Variants in SMG1 observed in about 807,000 individuals in gnomAD.
SMG1 encodes SMG1 nonsense mediated mRNA decay associated PI3K related kinase, also known as serine/threonine-protein kinase SMG1.
SMG1 carries 22 observed loss-of-function variants against 419.9 expected under a neutral mutation model. The ratio of observed to expected loss-of-function variants is 0.05; its 90% confidence interval spans 0.04 to 0.07. The LOEUF is 0.07. Ranked by LOEUF, SMG1 falls within the 10% of genes least tolerant of loss-of-function variation. The probability of loss-of-function intolerance (pLI) is 1.00; values close to 1 mark genes in which losing one functional copy is unlikely to be tolerated. For synonymous variants in SMG1, 1,538 were observed against 1,553.5 expected, an observed-to-expected ratio of 0.99 and a Z score of 0.23; for missense variants, 3,185 against 4,342.0, an observed-to-expected ratio of 0.73 and a Z score of 7.49.
intron 33 of SMG1, among the ~76,000 whole-genome samples, chr16:18,850,805 G>A (rs2141383074): frequency 6.6e-6 from 1 of 152,242 alleles, no homozygotes; most frequent in Non-Finnish European, 1.5e-5. Context: ...AGGCTGGAGT[G>A]CAATGGCACA....
chr16:18,830,465 A>T lies in SMG1; in HGVS notation c.8793-96T>A. 3 of 1,363,718 alleles carry T rather than the reference A, an allele frequency of 2.2e-6. No homozygotes were observed. In the South Asian group the frequency reaches 3.8e-5, roughly 17 times the overall value. 84.5% of individuals were successfully genotyped at this position (1,363,718 alleles called of 1,614,324 possible). A position where few individuals can be genotyped will look rare whatever the true frequency, so the allele number is the denominator to read the frequency against. On this transcript the variant is annotated intron_variant, in intron 51 of 62. Transcript: ENST00000446231. ...GTACATCTCACAGCTGCATGCTGTG[A>T]GAGTCTAGAAAGCCTTCTGGCATTA...
At position 18,926,231 on chromosome 16, in the gene SMG1, C is replaced by G; in HGVS notation, c.-190G>C. The G allele has an allele frequency of 1.8e-6, 1 of 562,104 alleles. No homozygotes were observed. The highest frequency in any genetic ancestry group is 3.1e-6 in the Non-Finnish European group (1 of 325,264). 34.8% of individuals were successfully genotyped at this position (562,104 alleles called of 1,614,324 possible). ...GGGAAGAGGACGGCCGTTCCGGGTT[C>G]CGCCTGAGCCCGCAGCGCAGGACGA... On this transcript the variant is annotated 5_prime_UTR_variant, in exon 1 of 63. Coordinates refer to ENST00000446231, the MANE Select transcript of SMG1 (RefSeq NM_015092.5).
At chr16:18,917,738 C>T (rs11074343) in intron 1 of SMG1, among the ~76,000 whole-genome samples, 27,756 of 150,862 alleles carry the variant, frequency 0.18, 2,654 homozygotes, top group Middle Eastern at 0.26. Flanking sequence ...CCACCACACT[C>T]GACTAATTTT....
At chr16:18,819,310 A>C (rs950662762) in intron 56 of SMG1, among the ~76,000 whole-genome samples, 192 bp downstream of exon 56, 1 of 135,106 alleles carries the variant, frequency 7.4e-6, no homozygotes, top group Non-Finnish European at 1.7e-5. Context: ...GAGAGGCAGT[A>C]AAGGCCAAGG....
At position 18,836,179 on chromosome 16, in the gene SMG1, A is replaced by T. The variant is rs2033558183; in HGVS notation, c.7811T>A (p.Leu2604Gln). 6.2e-7 allele frequency: 1 copy of T among 1,612,136 alleles called. No homozygotes were observed. The highest frequency in any genetic ancestry group is 1.3e-5 in the African/African-American group (1 of 74,936). ...PPSYVPATAF[L>Q]QNAGQAHLIS... ...CAAGTGGGCCTGACCAGCATTCTGC[A>T]GAAAGGCTGTTGCTGGCACGTAACT... Residue 2604 changes from leucine (L) to glutamine (Q), a missense_variant, in exon 48 of 63, where the codon CTG (leucine) becomes CAG (glutamine). By Grantham distance (113) the Leu-to-Gln change is moderately radical. Coordinates refer to ENST00000446231, the MANE Select transcript of SMG1 (RefSeq NM_015092.5).
intron 1 of SMG1, among the ~76,000 whole-genome samples, chr16:18,917,726 C>T (rs2038032525): frequency 6.6e-6 from 1 of 150,604 alleles, no homozygotes; most frequent in Admixed American, 6.6e-5. Flanking sequence ...TACAGGCATG[C>T]ACCACCACAC....
chr16:18,853,965 C>A (rs889468125), intron 30 of SMG1, 98 bp from the exon 31 acceptor site: 8 of 1,093,574 alleles, frequency 7.3e-6, no homozygotes, highest in Admixed American at 2.7e-5. Flanking sequence ...GGTGATGACA[C>A]CACCATGTTG....
intron 54 of SMG1, 29 bp from the exon 55 acceptor site, chr16:18,828,197 A>C (rs990386558): frequency 6.2e-7 from 1 of 1,607,474 alleles, no homozygotes; most frequent in Non-Finnish European, 8.5e-7. Flanking sequence ...ATGTATTAAA[A>C]TCAGCAGGAA....
chr16:18,818,011 A>G (rs1367756584), intron 56 of SMG1, among the ~76,000 whole-genome samples: 1 of 149,890 alleles, frequency 6.7e-6, no homozygotes, highest in African/African-American at 2.5e-5. Context: ...AAGCAATCCT[A>G]CCGCCTTAGT....
chr16:18,872,258 T>C lies in SMG1; in HGVS notation c.2109A>G (p.Thr703=), dbSNP rs1375707525. The change falls in exon 15 of 63, where the codon ACA becomes ACG. Residue 703 remains threonine, a synonymous_variant. Coordinates refer to ENST00000446231, the MANE Select transcript of SMG1 (RefSeq NM_015092.5). Reference sequence around the variant, plus strand: ...TTAATATAATTGAGAAATGTTTCTTTGTAGCCGTAGTTACAGTGCTAATCA... The same window carrying C: ...TTAATATAATTGAGAAATGTTTCTTCGTAGCCGTAGTTACAGTGCTAATCA... ...GAVISTVTTA[T]KKHFSIILNL... 3.8e-6 allele frequency: 6 copies of C among 1,595,462 alleles called. No individual in the cohort carries two copies. The highest frequency in any genetic ancestry group is 1.3e-5 in the African/African-American group (1 of 74,366).
At chr16:18,821,217 G>GTTTTTTTTTTTTTTTTTTTTTTTTTTTT (rs2032501770) in intron 55 of SMG1, among the ~76,000 whole-genome samples, 3 of 31,734 alleles carry the variant, frequency 9.5e-5, no homozygotes, top group African/African-American at 3.2e-4. Context: ...TATTTAGTAT[G>GTTTTTTTTTTTTTTTTTTTTTTTTTTTT]TTTCTTTTTT....
At position 18,905,725 on chromosome 16, in the gene SMG1, C is replaced by T. The variant is rs138631626; in HGVS notation, c.93-8769G>A. On this transcript the variant is annotated intron_variant, in intron 1 of 62. Coordinates refer to ENST00000446231, the MANE Select transcript of SMG1 (RefSeq NM_015092.5). ...CCTCCAGGTTCAAGTGATTCTCCTG[C>T]CTCAGCCTCCCAAGTAGCTGAGATT... is the stretch of plus-strand genomic sequence containing the variant. Among the ~76,000 whole-genome samples the T allele has an allele frequency of 4.5e-3, 683 of 151,788 alleles. 11 individuals are homozygous for T. Among genetic ancestry groups the T allele is most frequent in the African/African-American group, 0.016 (661 of 41,374 alleles).
chr16:18,819,105 C>T (rs1479182150), intron 56 of SMG1, among the ~76,000 whole-genome samples: 2 of 152,232 alleles, frequency 1.3e-5, no homozygotes, highest in Non-Finnish European at 2.9e-5. Context: ...GCGTAAGCCA[C>T]GGCGCCTGGC....
intron 2 of SMG1, 46 bp downstream of exon 2, chr16:18,896,747 G>C: frequency 6.8e-7 from 1 of 1,463,722 alleles, no homozygotes; most frequent in South Asian, 1.2e-5. Context: ...AGGTGAGACA[G>C]GTAGGTTCAA....
chr16:18,828,239 C>T (rs1427821891), intron 54 of SMG1, 71 bp from the exon 55 acceptor site: 1 of 1,496,920 alleles, frequency 6.7e-7, no homozygotes, highest in South Asian at 1.2e-5. Flanking sequence ...GGAAGGGAGG[C>T]GCAACCTAGG....
chr16:18,858,267 A>C lies in SMG1; in HGVS notation c.4137T>G (p.Ser1379Arg). The C allele has an allele frequency of 1.2e-6, 2 of 1,606,674 alleles. No homozygotes were observed. The highest frequency in any genetic ancestry group is 2.2e-5 in the South Asian group (2 of 89,260). ...GCTGTTTACATGAACGTAAAGCTTCACTGAAGAGTGGAATAAGACAGTCCT... is the reference window on the plus strand; with the variant it reads ...GCTGTTTACATGAACGTAAAGCTTCCCTGAAGAGTGGAATAAGACAGTCCT... The part of the protein sequence containing the change: ...STEDCLIPLF[S>R]EALRSCKQHD... The change falls in exon 29 of 63, where the codon AGT (serine) becomes AGG (arginine). Residue 1379 changes from serine to arginine, a missense_variant. By Grantham distance (110) the Ser-to-Arg change is moderately radical. Around this residue, in one of 27 missense-constraint regions of SMG1, gnomAD observed 493 missense variants for 552.9 expected, o/e 0.89. Coordinates refer to ENST00000446231, the MANE Select transcript of SMG1 (RefSeq NM_015092.5).
rs755350790 is a variant in SMG1, at chr16:18,925,982, C to G, written c.60G>C (p.Lys20Asn). The change falls in exon 1 of 63, where the codon AAG (lysine) becomes AAC (asparagine). Residue 20 changes from lysine (K) to asparagine (N), a missense_variant. By Grantham distance (94) the Lys-to-Asn change is moderately conservative. Around this residue, in one of 27 missense-constraint regions of SMG1, gnomAD observed 88 missense variants for 85.9 expected, o/e 1.02. Transcript: ENST00000446231. ...LSSGGGGGGT[K>N]YPRSWNDWQP... ...GCCAGTCATTCCAGCTCCGCGGATA[C>G]TTGGTGCCGCCGCCGCCGCCGCCGC... The G allele has an allele frequency of 9.5e-6, 15 of 1,577,526 alleles. No individual in the cohort carries two copies. In the Admixed American group the frequency reaches 1.2e-4, roughly 13 times the overall value.
In SMG1 at chr16:18,859,472, C is replaced by A. The variant is rs981254413; in HGVS notation, c.3953+84G>T. 4.5e-6 allele frequency: 3 copies of A among 659,668 alleles called. No homozygotes were observed. In the African/African-American group the frequency reaches 5.5e-5, roughly 12 times the overall value. 40.9% of individuals were successfully genotyped at this position (659,668 alleles called of 1,614,324 possible). ...GCACTAGTATTTAGTAATCTAGTAA[C>A]TCTCCTTCCAGCCCTCTTCACCCCA... is the stretch of plus-strand genomic sequence containing the variant. On this transcript the variant is annotated intron_variant, in intron 27 of 62. Transcript: ENST00000446231.
Position 18,829,721 on chromosome 16 carries a change from A to G in SMG1, c.9168T>C (p.Asn3056=). The G allele has an allele frequency of 1.2e-6, 2 of 1,607,328 alleles. No individual in the cohort carries two copies. The highest frequency in any genetic ancestry group is 1.7e-6 in the Non-Finnish European group (2 of 1,175,328). The change falls in exon 54 of 63, where the codon AAT becomes AAC. Residue 3056 remains asparagine (N), a synonymous_variant. Transcript: ENST00000446231. The stretch of plus-strand genomic sequence containing the variant: ...TCACATTGACAATCTGTACAGGCCC[A>G]TTCACAGTATTCTGATCTTCAAGTG... ...SSSLEDQNTV[N]GPVQIVNVKT... is the part of the protein sequence containing the mutation.
Sources: gnomAD v4.1 joint callset for allele counts (sites outside exome capture counted in the v4.1 genomes callset) on GRCh38, gnomAD v4.1.1 for gene constraint, gnomAD v4.1.1 regional missense constraint, MANE v1.5 for transcripts, NCBI Gene and HGNC (gene_info 2026-07-23, HGNC 2026-07-21) for gene names.